Variants in PACSIN2 observed in about 807,000 individuals in gnomAD.
PACSIN2 encodes the protein protein kinase C and casein kinase substrate in neurons 2.
In PACSIN2, 25 loss-of-function variants were observed where a neutral mutation model predicts 63.8. That is an observed-to-expected ratio of 0.39 (90% CI 0.29 to 0.55). The LOEUF is 0.55. Ranked by LOEUF, PACSIN2 falls within the 20% of genes least tolerant of loss-of-function variation. The pLI is 0.62. For missense variants in PACSIN2, 518 were observed against 646.9 expected, an observed-to-expected ratio of 0.80 and a Z score of 2.16; for synonymous variants, 255 against 256.2, an observed-to-expected ratio of 1.00 and a Z score of 0.05.
intron 2 of PACSIN2, among the ~76,000 whole-genome samples, chr22:42,895,067 C>T (rs1239438353): frequency 6.6e-6 from 1 of 152,214 alleles, no homozygotes; most frequent in Non-Finnish European, 1.5e-5. Context: ...GGGCAGCCTT[C>T]TCCAGAGGCA....
intron 1 of PACSIN2, among the ~76,000 whole-genome samples, chr22:42,933,978 C>A (rs571836967): frequency 1.3e-5 from 2 of 152,288 alleles, no homozygotes; most frequent in Admixed American, 1.3e-4. Flanking sequence ...TACTCAAATA[C>A]CAGTGAAAAG....
intron 1 of PACSIN2, among the ~76,000 whole-genome samples, chr22:42,992,052 C>T (rs1000035356): frequency 2.0e-5 from 3 of 152,134 alleles, no homozygotes; most frequent in African/African-American, 4.8e-5. Flanking sequence ...TCAAAAGATA[C>T]TGTTAAAAGA....
At chr22:42,991,812 CA>C (rs58208243) in intron 1 of PACSIN2, among the ~76,000 whole-genome samples, 6,167 of 119,600 alleles carry the variant, frequency 0.052, 343 homozygotes, top group African/African-American at 0.17. Flanking sequence ...TATCCACAGA[CA>C]AAAAAAAAAA....
chr22:42,971,749 G>A (rs1355858645), intron 1 of PACSIN2, among the ~76,000 whole-genome samples: 7 of 151,068 alleles, frequency 4.6e-5, no homozygotes, highest in Non-Finnish European at 1.0e-4. Flanking sequence ...CGCCCCGTCC[G>A]GGAGGTGGGG....
chr22:42,906,793 G>A (rs1931105405), intron 2 of PACSIN2, among the ~76,000 whole-genome samples: 1 of 152,156 alleles, frequency 6.6e-6, no homozygotes, highest in African/African-American at 2.4e-5. Context: ...CTTAAACGAA[G>A]ATTACGCAAT....
chr22:42,977,929 C>T (rs1412374071), intron 1 of PACSIN2, among the ~76,000 whole-genome samples: 1 of 152,200 alleles, frequency 6.6e-6, no homozygotes, highest in Non-Finnish European at 1.5e-5. Flanking sequence ...ATCACCCAGT[C>T]TCAGGTGGTT....
chr22:42,985,098 G>A (rs1922512258), intron 1 of PACSIN2, among the ~76,000 whole-genome samples: 2 of 152,206 alleles, frequency 1.3e-5, no homozygotes, highest in South Asian at 4.1e-4. Context: ...GGAGGCCAAG[G>A]TGAGAGGATC....
chr22:42,934,025 A>C (rs2146782398), intron 1 of PACSIN2, among the ~76,000 whole-genome samples: 1 of 152,350 alleles, frequency 6.6e-6, no homozygotes, highest in South Asian at 2.1e-4. Context: ...AAATACTTAC[A>C]AGAACAGCCA....
At chr22:42,928,179 G>A (rs1932656864) in intron 1 of PACSIN2, among the ~76,000 whole-genome samples, 1 of 152,200 alleles carries the variant, frequency 6.6e-6, no homozygotes, top group African/African-American at 2.4e-5. Flanking sequence ...AGAAAGGACG[G>A]GAACACACCC....
At chr22:42,975,656 T>TA (rs35638247) in intron 1 of PACSIN2, among the ~76,000 whole-genome samples, 48,166 of 136,558 alleles carry the variant, frequency 0.35, 9,651 homozygotes, top group Non-Finnish European at 0.46. Flanking sequence ...CAATATTCTT[T>TA]AAAAAAAAAA....
At chr22:42,954,162 C>T (rs528951017) in intron 1 of PACSIN2, among the ~76,000 whole-genome samples, 1 of 152,262 alleles carries the variant, frequency 6.6e-6, no homozygotes, top group Admixed American at 6.5e-5. Context: ...ACTTGGGAGG[C>T]TGAGGCAAGA....
rs59511073 is a variant in PACSIN2 at position 42,912,106 on chromosome 22, A to C, written c.-26T>G. 4.4e-3 allele frequency: 6,932 copies of C among 1,561,958 alleles called. 289 individuals carry two copies. In the African/African-American group the frequency reaches 0.087, roughly 20 times the overall value. On this transcript the variant is annotated 5_prime_UTR_variant, in exon 2 of 11. Coordinates refer to ENST00000263246, the MANE Select transcript of PACSIN2 (RefSeq NM_001184970.3). ...TTTTTCAAAGGCTGAGGGAGCAGCA[A>C]AGTATACTTAGTCAGGGGTCAACTT... is the stretch of plus-strand genomic sequence containing the variant.
intron 1 of PACSIN2, among the ~76,000 whole-genome samples, chr22:42,930,348 G>A (rs928562994): frequency 1.8e-4 from 27 of 152,264 alleles, no homozygotes; most frequent in Non-Finnish European, 2.8e-4. Context: ...GCAGCACCAG[G>A]ACCTCTGGGT....
chr22:43,009,863 C>CTTTTTTTTTTTTT lies in PACSIN2; in HGVS notation c.-78+5157_-78+5158insAAAAAAAAAAAAA, dbSNP rs762256300. 8.5e-4 allele frequency among the ~76,000 whole-genome samples: 112 copies of CTTTTTTTTTTTTT among 131,752 alleles called. 3 individuals are homozygous for CTTTTTTTTTTTTT. The highest frequency in any genetic ancestry group is 4.7e-3 in the East Asian group (19 of 4,012). The allele number at this position is 131,752 out of a possible 152,430, so 86.4% of individuals were successfully genotyped here. ...TAGTTGAGACATCATTTTATTTTTT[C>CTTTTTTTTTTTTT]TATTTTTTTTTTTTTTTTTTTTTGA... On this transcript the variant is annotated intron_variant, in intron 1 of 10. Coordinates refer to ENST00000263246, the MANE Select transcript of PACSIN2 (RefSeq NM_001184970.3).
intron 7 of PACSIN2, among the ~76,000 whole-genome samples, chr22:42,880,856 G>A (rs985660279): frequency 2.6e-5 from 4 of 152,164 alleles, no homozygotes; most frequent in East Asian, 1.9e-4. Flanking sequence ...GGACCCAGGC[G>A]AATTTCACAG....
At chr22:42,925,121 C>G (rs576655362) in intron 1 of PACSIN2, among the ~76,000 whole-genome samples, 1 of 151,862 alleles carries the variant, frequency 6.6e-6, no homozygotes, top group African/African-American at 2.4e-5. Context: ...CAAGCACTTA[C>G]CACCTCCTAA....
chr22:42,954,289 T>C (rs1933823394), intron 1 of PACSIN2, among the ~76,000 whole-genome samples: 1 of 152,164 alleles, frequency 6.6e-6, no homozygotes, highest in African/African-American at 2.4e-5. Context: ...TAAAGGAAGG[T>C]TCCCTTGGAC....
At chr22:42,953,692 C>G (rs1416824345) in intron 1 of PACSIN2, among the ~76,000 whole-genome samples, 1 of 152,138 alleles carries the variant, frequency 6.6e-6, no homozygotes, top group Non-Finnish European at 1.5e-5. Context: ...AACTAAAACT[C>G]CGAGAGGTTA....
intron 1 of PACSIN2, among the ~76,000 whole-genome samples, chr22:42,968,682 G>A (rs966255026): frequency 2.0e-5 from 3 of 152,138 alleles, no homozygotes; most frequent in Non-Finnish European, 2.9e-5. Flanking sequence ...CCATCAATAA[G>A]GGCAGGCACC....
Sources: allele counts gnomAD v4.1 joint callset (sites outside exome capture counted in the v4.1 genomes callset), GRCh38; gene constraint gnomAD v4.1.1; transcripts MANE v1.5; gene names NCBI Gene and HGNC (gene_info 2026-07-23, HGNC 2026-07-21).